Variants in BLTP3A observed in about 807,000 individuals in gnomAD.
BLTP3A encodes ICBP90 binding protein 1.
the BLTP3A span, among the ~76,000 whole-genome samples, chr6:34,865,949 G>A: frequency 5.3e-5 from 8 of 152,166 alleles, no homozygotes; most frequent in African/African-American, 1.9e-4. Context: ...AGTGGCTCAC[G>A]CCTGTAATCC....
At chr6:34,797,881 G>A in the BLTP3A span, among the ~76,000 whole-genome samples, 1 of 152,212 alleles carries the variant, frequency 6.6e-6, no homozygotes, top group African/African-American at 2.4e-5. Flanking sequence ...GTTGTAACTA[G>A]TAAGTGATAG....
At chr6:34,805,720 A>C in the BLTP3A span, among the ~76,000 whole-genome samples, 1 of 141,010 alleles carries the variant, frequency 7.1e-6, no homozygotes, top group Middle Eastern at 3.5e-3. Flanking sequence ...TGGGTGATAT[A>C]GCAAGACCCT....
At chr6:34,797,270 A>AT in the BLTP3A span, among the ~76,000 whole-genome samples, 6 of 152,342 alleles carry the variant, frequency 3.9e-5, no homozygotes, top group South Asian at 1.2e-3. Flanking sequence ...AACCTCAGCG[A>AT]TAGAGACCTG....
At chr6:34,859,584 G>T in the BLTP3A span, 5 of 1,612,578 alleles carry the variant, frequency 3.1e-6, no homozygotes, top group East Asian at 2.2e-5. Flanking sequence ...AAGTGGCTCT[G>T]TACCTCCTTC....
At chr6:34,811,461 C>T in the BLTP3A span, among the ~76,000 whole-genome samples, 7 of 152,064 alleles carry the variant, frequency 4.6e-5, no homozygotes, top group Admixed American at 2.6e-4. Context: ...TAGCCACGTG[C>T]GATGGCTCAC....
chr6:34,823,375 C>T, the BLTP3A span: 1 of 1,577,308 alleles, frequency 6.3e-7, no homozygotes, highest in South Asian at 1.1e-5. Flanking sequence ...CCTGTTATTT[C>T]CAACATATTA....
At chr6:34,823,407 G>T in the BLTP3A span, 1 of 1,446,310 alleles carries the variant, frequency 6.9e-7, no homozygotes, top group South Asian at 1.2e-5. Flanking sequence ...TCCCCTTTTA[G>T]TTAAAAAATA....
At chr6:34,815,799 T>C in the BLTP3A span, among the ~76,000 whole-genome samples, 5 of 151,804 alleles carry the variant, frequency 3.3e-5, no homozygotes, top group Non-Finnish European at 5.9e-5. Context: ...TGCCTCACCA[T>C]GGCCCGGCTA....
chr6:34,863,848 T>C, the BLTP3A span, among the ~76,000 whole-genome samples: 1 of 152,234 alleles, frequency 6.6e-6, no homozygotes, highest in African/African-American at 2.4e-5. Context: ...TTGATCTCTT[T>C]ACAGCCAGTA....
chr6:34,792,373 C>CTT, the BLTP3A span: 4 of 1,370,266 alleles, frequency 2.9e-6, no homozygotes, highest in Non-Finnish European at 3.9e-6. Context: ...CGCCGCGCTC[C>CTT]GGGCCCAGTC....
chr6:34,812,669 T>C, the BLTP3A span, among the ~76,000 whole-genome samples: 2 of 152,116 alleles, frequency 1.3e-5, no homozygotes, highest in South Asian at 4.2e-4. Flanking sequence ...AGGGTCTCGC[T>C]TTGTTGTCCA....
chr6:34,858,179 T>G, the BLTP3A span: 3 of 1,614,184 alleles, frequency 1.9e-6, no homozygotes, highest in Non-Finnish European at 2.5e-6. Flanking sequence ...CCCCAGGCCC[T>G]TGTCTTCTCT....
chr6:34,848,292 A>T, the BLTP3A span, among the ~76,000 whole-genome samples: 341 of 151,434 alleles, frequency 2.3e-3, 2 homozygotes, highest in African/African-American at 5.7e-3. Context: ...TCAAAAAAAA[A>T]AATAATAATA....
the BLTP3A span, among the ~76,000 whole-genome samples, chr6:34,838,228 G>C: frequency 6.6e-6 from 1 of 152,148 alleles, no homozygotes; most frequent in Non-Finnish European, 1.5e-5. Context: ...CATTATGATT[G>C]TGAGTTTCCA....
chr6:34,843,768 G>A, the BLTP3A span, among the ~76,000 whole-genome samples: 1 of 152,162 alleles, frequency 6.6e-6, no homozygotes, highest in Admixed American at 6.5e-5. Flanking sequence ...CCAGTAGTGG[G>A]ATTGCCTGAT....
At chr6:34,856,238 G>A in the BLTP3A span, 2 of 1,612,486 alleles carry the variant, frequency 1.2e-6, no homozygotes, top group Non-Finnish European at 1.7e-6. Context: ...TCGTTGCACA[G>A]GTGATAGCTG....
the BLTP3A span, among the ~76,000 whole-genome samples, chr6:34,801,417 A>G: frequency 1.3e-5 from 2 of 151,692 alleles, no homozygotes; most frequent in African/African-American, 2.4e-5. Context: ...GAGAGGGGGG[A>G]AAAGTATTTT....
chr6:34,871,006 G>A, the BLTP3A span: 142 of 1,613,878 alleles, frequency 8.8e-5, no homozygotes, highest in Non-Finnish European at 1.1e-4. Context: ...CTGTGACCTC[G>A]AGCTGCTCAC....
At chr6:34,858,214 A>T in the BLTP3A span, 2 of 1,614,118 alleles carry the variant, frequency 1.2e-6, no homozygotes, top group Non-Finnish European at 1.7e-6. Flanking sequence ...TGCCACCAAT[A>T]CACGTCATGC....
Sources: allele counts gnomAD v4.1 joint callset (sites outside exome capture counted in the v4.1 genomes callset), GRCh38; gene constraint gnomAD v4.1.1; transcripts MANE v1.5; gene names NCBI Gene and HGNC (gene_info 2026-07-23, HGNC 2026-07-21).